SLC2A8: variants seen among roughly 807,000 people sequenced by gnomAD.
SLC2A8 encodes solute carrier family 2, facilitated glucose transporter member 8.
Under a neutral mutation model 49.2 loss-of-function variants are expected in SLC2A8, and 53 were observed. The ratio of observed to expected loss-of-function variants is 1.08; its 90% CI spans 0.86 to 1.35. SLC2A8 has a LOEUF of 1.35. Among genes scored for constraint, SLC2A8 ranks in the 40% most tolerant of loss-of-function variants. The pLI is 0.00. For synonymous variants in SLC2A8, 299 were observed against 297.0 expected (o/e 1.01, Z -0.07); for missense variants, 688 against 671.7 (o/e 1.02, Z -0.27).
Position 127,404,820 on chromosome 9 carries a change from G to A in SLC2A8, c.979G>A (p.Val327Met), listed in dbSNP as rs1225398464. 1 of 1,608,144 alleles carries A rather than the reference G, an allele frequency of 6.2e-7. No individual in the cohort carries two copies. ...CACTGCCGCCCTCCCGCCTGCAGGTGTGGTCATGGTGTTCAGCACGAGTGC... is the reference window on the plus strand; with the variant it reads ...CACTGCCGCCCTCCCGCCTGCAGGTATGGTCATGGTGTTCAGCACGAGTGC... ...GRRLLLVLSG[V>M]VMVFSTSAFG... is the part of the protein sequence containing the mutation. The change falls in exon 8 of 10, where the codon GTG becomes ATG. Residue 327 changes from valine to methionine, a missense_variant and splice_region_variant. Transcript: ENST00000373371.
chr9:127,397,342 T>A, intron 1 of SLC2A8, 34 bp from the exon 2 acceptor site: 1 of 1,397,870 alleles, frequency 7.2e-7, no homozygotes, highest in Admixed American at 3.7e-5. Context: ...CCCCTCCGCG[T>A]CCGCTCCGCT....
chr9:127,406,003 C>T (rs557238904), intron 9 of SLC2A8: 31 of 521,910 alleles, frequency 5.9e-5, no homozygotes, highest in Admixed American at 1.9e-4. Flanking sequence ...GCTCTTAAGA[C>T]GGATGGGAGC....
intron 9 of SLC2A8, among the ~76,000 whole-genome samples, chr9:127,406,799 C>A (rs886499280): frequency 1.3e-5 from 2 of 152,210 alleles, no homozygotes; most frequent in African/African-American, 2.4e-5. Context: ...TGGAGTCAGA[C>A]CTGGAACAGG....
chr9:127,407,156 C>A lies in SLC2A8; in HGVS notation c.1341C>A (p.Phe447Leu). The A allele has an allele frequency of 6.2e-7, 1 of 1,613,708 alleles. No homozygotes were observed. ...GAGCCTTCTGGCTTGCCTCCGCTTT[C>A]TGCATCTTCAGTGTCCTTTTCACTT... The part of the protein sequence containing the change: ...PYGAFWLASA[F>L]CIFSVLFTLF... Residue 447 changes from phenylalanine to leucine, a missense_variant, in exon 10 of 10, where the codon TTC becomes TTA. By Grantham distance (22) the Phe-to-Leu change is conservative (BLOSUM62 0). Coordinates refer to ENST00000373371, the MANE Select transcript of SLC2A8 (RefSeq NM_014580.5).
rs796202714 is a variant in SLC2A8 at position 127,400,166 on chromosome 9, C to CTTTTTTTTTTTTTTTTTTTT, written c.526+177_526+178insTTTTTTTTTTTTTTTTTTTT. Among the ~76,000 whole-genome samples the CTTTTTTTTTTTTTTTTTTTT allele has an allele frequency of 6.2e-4, 72 of 116,800 alleles. 8 individuals are homozygous for CTTTTTTTTTTTTTTTTTTTT. The highest frequency in any genetic ancestry group is 2.0e-3 in the African/African-American group (59 of 29,470). The allele number at this position is 116,800 out of a possible 152,430, so 76.6% of individuals were successfully genotyped here. A position where few individuals can be genotyped will look rare whatever the true frequency, so the allele number is the denominator to read the frequency against. On this transcript the variant is annotated intron_variant, in intron 4 of 9. Coordinates refer to ENST00000373371, the MANE Select transcript of SLC2A8 (RefSeq NM_014580.5). Reference sequence around the variant, plus strand: ...TCCTGGGACCTTGGGATAGGTGAGTCTTTTTTTTTTTTTTTTTGAGACAGA... The same window carrying CTTTTTTTTTTTTTTTTTTTT: ...TCCTGGGACCTTGGGATAGGTGAGTCTTTTTTTTTTTTTTTTTTTTTTTTTTTTTTTTTTTTTGAGACAGA...
rs1162894261 is a variant in SLC2A8, at chr9:127,402,755, T to TGA, written c.723+6_723+7dup. 1 of 1,534,612 alleles carries TGA rather than the reference T, an allele frequency of 6.5e-7. No individual in the cohort carries two copies. Among genetic ancestry groups the TGA allele is most frequent in the Admixed American group, 2.1e-5 (1 of 48,618 alleles). ...GACCCCCCCATCGGGGCTGAGCAGG[T>TGA]GAGAGGCTGGAAGGCAGAGCTGACA... On this transcript the variant is annotated splice_region_variant and intron_variant, in intron 5 of 9. Coordinates refer to ENST00000373371, the MANE Select transcript of SLC2A8 (RefSeq NM_014580.5).
Position 127,400,697 on chromosome 9 carries a change from G to A in SLC2A8, c.526+691G>A, listed in dbSNP as rs190611190. On this transcript the variant is annotated intron_variant, in intron 4 of 9. Transcript: ENST00000373371. ...TCAGTGCCAGATTCACCATGTCGGC[G>A]AGTTGCAACGTGAAGGAGGCCGGGG... 4.6e-5 allele frequency among the ~76,000 whole-genome samples: 7 copies of A among 152,266 alleles called. No individual in the cohort carries two copies. The East Asian group carries it at 7.7e-4, about 17-fold the overall frequency.
rs1473685900 is a variant in SLC2A8 at position 127,397,415 on chromosome 9, C to A, written c.96C>A (p.Ala32=). ...RGRRVFLAAF[A]AALGPLSFGF... ...GCCGCGTCTTCCTCGCCGCCTTCGCCGCTGCCCTGGGCCCACTCAGCTTCG... is the reference window on the plus strand; with the variant it reads ...GCCGCGTCTTCCTCGCCGCCTTCGCAGCTGCCCTGGGCCCACTCAGCTTCG... The change falls in exon 2 of 10, where the codon GCC becomes GCA. Residue 32 remains alanine, a synonymous_variant. Transcript: ENST00000373371. The A allele has an allele frequency of 6.8e-7, 1 of 1,478,804 alleles. No individual in the cohort carries two copies. The highest frequency in any genetic ancestry group is 1.3e-5 in the South Asian group (1 of 78,166). The allele number at this position is 1,478,804 out of a possible 1,614,324, so 91.6% of individuals were successfully genotyped here. A position where few individuals can be genotyped will look rare whatever the true frequency, so the allele number is the denominator to read the frequency against.
intron 3 of SLC2A8, among the ~76,000 whole-genome samples, chr9:127,398,710 C>G (rs1302684376): frequency 6.6e-6 from 1 of 152,208 alleles, no homozygotes; most frequent in East Asian, 1.9e-4. Flanking sequence ...GAGTGCCTCC[C>G]TGGGCCTCAG....
Position 127,407,361 on chromosome 9 carries a change from C to A in SLC2A8, c.*112C>A. On this transcript the variant is annotated 3_prime_UTR_variant, in exon 10 of 10. Transcript: ENST00000373371. ...TCCAGCCCCTTGGAGCCTTGGTCTG[C>A]AGGGTCCCTCCTTCCTGTCATGCTC... is the stretch of plus-strand genomic sequence containing the variant. 7.4e-7 allele frequency: 1 copy of A among 1,354,732 alleles called. No homozygotes were observed. The highest frequency in any genetic ancestry group is 1.2e-5 in the South Asian group (1 of 84,488). The allele number at this position is 1,354,732 out of a possible 1,614,324, so 83.9% of individuals were successfully genotyped here.
intron 9 of SLC2A8, among the ~76,000 whole-genome samples, chr9:127,406,729 A>T (rs1833505738): frequency 9.2e-6 from 1 of 108,284 alleles, no homozygotes; most frequent in Non-Finnish European, 2.2e-5. Flanking sequence ...CTATGAAAGA[A>T]CCCACCGGGG....
At chr9:127,398,171 C>A in intron 3 of SLC2A8, 60 bp downstream of exon 3, 3 of 1,508,980 alleles carry the variant, frequency 2.0e-6, no homozygotes, top group Non-Finnish European at 2.7e-6. Flanking sequence ...GGGAGTGGGA[C>A]AAACCGCTCC....
In SLC2A8 at chr9:127,405,495, C is replaced by T. The variant is rs201507777; in HGVS notation, c.1226C>T (p.Ala409Val). Residue 409 changes from alanine (A) to valine (V), a missense_variant, in exon 9 of 10, where the codon GCG becomes GTG. By Grantham distance (64) the Ala-to-Val change is moderately conservative. Transcript: ENST00000373371. ...EIFPLHVKGV[A>V]TGICVLTNWL... Reference sequence around the variant, plus strand: ...TTCCCTCTGCATGTCAAGGGCGTGGCGACAGGCATCTGCGTCCTCACCAAC... The same window carrying T: ...TTCCCTCTGCATGTCAAGGGCGTGGTGACAGGCATCTGCGTCCTCACCAAC... 3.6e-5 allele frequency: 58 copies of T among 1,613,158 alleles called. No homozygotes were observed. Among genetic ancestry groups the T allele is most frequent in the African/African-American group, 1.3e-4 (10 of 75,070 alleles).
rs1181679315 is a variant in SLC2A8 at position 127,403,810 on chromosome 9, G to A, written c.867+7G>A. On this transcript the variant is annotated splice_region_variant and intron_variant, in intron 6 of 9. Transcript: ENST00000373371. Reference sequence around the variant, plus strand: ...TGAAGAGGCCAAGTTCAAGGTAAAAGGGCCCTGCCTGGCCTGCCTCGTCCA... The same window carrying A: ...TGAAGAGGCCAAGTTCAAGGTAAAAAGGCCCTGCCTGGCCTGCCTCGTCCA... The A allele has an allele frequency of 6.2e-7, 1 of 1,611,544 alleles. No homozygotes were observed. The highest frequency in any genetic ancestry group is 8.5e-7 in the Non-Finnish European group (1 of 1,179,016).
intron 4 of SLC2A8, 121 bp from the exon 5 acceptor site, chr9:127,402,436 A>G (rs1383198992): frequency 7.2e-7 from 1 of 1,388,036 alleles, no homozygotes; most frequent in Non-Finnish European, 9.4e-7. Context: ...AGTAGCGAAC[A>G]TGAGGGCAGA....
At chr9:127,397,320 C>A in intron 1 of SLC2A8, 34 bp downstream of exon 1, 1 of 1,380,754 alleles carries the variant, frequency 7.2e-7, no homozygotes, top group Non-Finnish European at 9.3e-7. Flanking sequence ...CGGATGCGGC[C>A]TCGCCCTCCC....
chr9:127,398,144 G>C lies in SLC2A8; in HGVS notation c.426+33G>C, dbSNP rs369255460. On this transcript the variant is annotated intron_variant, in intron 3 of 9. Coordinates refer to ENST00000373371, the MANE Select transcript of SLC2A8 (RefSeq NM_014580.5). ...TCCCGTCTCTCGAGTGTCCTGTCTC[G>C]CGGCCTGAGACCGAGGGGGAGTGGG... The C allele has an allele frequency of 3.9e-6, 6 of 1,554,088 alleles. No homozygotes were observed. In the African/African-American group the frequency reaches 6.8e-5, roughly 18 times the overall value.
At chr9:127,397,341 G>GTCCGC in intron 1 of SLC2A8, 35 bp from the exon 2 acceptor site, 2 of 1,397,590 alleles carry the variant, frequency 1.4e-6, no homozygotes, top group East Asian at 6.1e-5. Context: ...GCCCCTCCGC[G>GTCCGC]TCCGCTCCGC....
intron 7 of SLC2A8, 174 bp from the exon 8 acceptor site, chr9:127,404,644 T>C: frequency 1.4e-6 from 1 of 691,456 alleles, no homozygotes; most frequent in Non-Finnish European, 2.3e-6. Flanking sequence ...TTCGCTGAGG[T>C]CCAAGGCGGG....
Sources: allele counts gnomAD v4.1 joint callset (sites outside exome capture counted in the v4.1 genomes callset), GRCh38; gene constraint gnomAD v4.1.1; transcripts MANE v1.5; gene names NCBI Gene and HGNC (gene_info 2026-07-23, HGNC 2026-07-21).